POLR3H: variants seen among roughly 807,000 people sequenced by gnomAD.
POLR3H encodes the protein DNA-directed RNA polymerase III subunit RPC8.
A neutral mutation model predicts 25.5 loss-of-function variants in POLR3H; 17 were observed. That is an observed-to-expected ratio of 0.67 (90% confidence interval 0.46 to 1.00). The LOEUF is 1.00. Among genes scored for constraint, POLR3H ranks in the 50% least tolerant of loss-of-function variants. POLR3H has a pLI of 0.00. For synonymous variants in POLR3H, 129 were observed against 103.0 expected (o/e 1.25, Z -1.53); for missense variants, 274 against 265.0 (o/e 1.03, Z -0.24).
Position 41,528,771 on chromosome 22 carries a change from TG to T in POLR3H, c.*511del, listed in dbSNP as rs1012160138. 1.8e-5 allele frequency: 20 copies of T among 1,100,274 alleles called. No homozygotes were observed. The highest frequency in any genetic ancestry group is 2.4e-5 in the Non-Finnish European group (19 of 800,490). The allele number at this position is 1,100,274 out of a possible 1,614,324, so 68.2% of individuals were successfully genotyped here. The stretch of plus-strand genomic sequence containing the variant: ...GCCCACGGAGTGACTGTGGTTGTGG[TG>T]GGGGGGTTCTTAAAATAACTTTTTA... On this transcript the variant is annotated 3_prime_UTR_variant, in exon 6 of 6. Coordinates refer to ENST00000355209, the MANE Select transcript of POLR3H (RefSeq NM_001018050.4).
At chr22:41,538,487 T>C (rs1486401549) in intron 2 of POLR3H, among the ~76,000 whole-genome samples, 1 of 152,148 alleles carries the variant, frequency 6.6e-6, no homozygotes. Flanking sequence ...CTAGAACTCC[T>C]GACCTCAGGT....
In POLR3H at chr22:41,528,819, G is replaced by A. The variant is rs539836924; in HGVS notation, c.*464C>T. 5 of 668,776 alleles carry A rather than the reference G, an allele frequency of 7.5e-6. No individual in the cohort carries two copies. Among genetic ancestry groups the A allele is most frequent in the East Asian group, 2.9e-5 (1 of 34,214 alleles). The allele number at this position is 668,776 out of a possible 1,614,324, so 41.4% of individuals were successfully genotyped here. ...TTTAGCCCCCGTCTTCCTATTTTGA[G>A]TTTGGTTCAGATCTTAAGCAGCTCC... On this transcript the variant is annotated 3_prime_UTR_variant, in exon 6 of 6. Transcript: ENST00000355209.
Position 41,527,214 on chromosome 22 carries a change from C to T in POLR3H, c.*2069G>A. On this transcript the variant is annotated 3_prime_UTR_variant, in exon 6 of 6. Transcript: ENST00000355209. ...TGCCCAGGCGCCAGGTGGGTGAGGC[C>T]AGGCAGGTAGGGCCAGACAGGTGAG... 2 of 1,609,502 alleles carry T rather than the reference C, an allele frequency of 1.2e-6. No individual in the cohort carries two copies. The highest frequency in any genetic ancestry group is 1.7e-6 in the Non-Finnish European group (2 of 1,177,332).
At position 41,540,795 on chromosome 22, in the gene POLR3H, C is replaced by A. The variant is rs138200565; in HGVS notation, c.112G>T (p.Val38Phe). ...ATGCAGAGTCCCACGTTGTACACGA[C>A]CTGCATGCATACAAACACAGACACA... is the stretch of plus-strand genomic sequence containing the variant. ...EELNKKLANK[V>F]VYNVGLCICL... Residue 38 changes from valine (V) to phenylalanine (F), a missense_variant and splice_region_variant, in exon 2 of 6, where the codon GTC (valine) becomes TTC (phenylalanine). Val to Phe is a conservative substitution (Grantham distance 50). Transcript: ENST00000355209. 1 of 1,612,040 alleles carries A rather than the reference C, an allele frequency of 6.2e-7. No individual in the cohort carries two copies. The highest frequency in any genetic ancestry group is 2.2e-5 in the East Asian group (1 of 44,878).
rs1272981182 is a variant in POLR3H, at chr22:41,526,451, A to T, written c.*2832T>A. ...CGTCCCTGACACTGCCCGCTACTAC[A>T]AGGTGGGTCAGAGTTGATAGGGGCA... On this transcript the variant is annotated 3_prime_UTR_variant, in exon 6 of 6. Transcript: ENST00000355209. 6.2e-7 allele frequency: 1 copy of T among 1,610,998 alleles called. No homozygotes were observed. Among genetic ancestry groups the T allele is most frequent in the South Asian group, 1.1e-5 (1 of 90,882 alleles).
chr22:41,526,195 G>A lies in POLR3H; in HGVS notation c.*3088C>T, dbSNP rs2066591882. On this transcript the variant is annotated 3_prime_UTR_variant, in exon 6 of 6. Transcript: ENST00000355209. ...GCCCCGGGGCCTGCTGCCTGCCTCT[G>A]GAGGGCTTGTCATCCACCCCTCCAG... is the stretch of plus-strand genomic sequence containing the variant. 6.7e-7 allele frequency: 1 copy of A among 1,483,166 alleles called. No homozygotes were observed. The highest frequency in any genetic ancestry group is 1.4e-5 in the African/African-American group (1 of 71,848). The allele number at this position is 1,483,166 out of a possible 1,614,324, so 91.9% of individuals were successfully genotyped here. A position where few individuals can be genotyped will look rare whatever the true frequency, so the allele number is the denominator to read the frequency against.
In POLR3H at chr22:41,527,231, A is replaced by G. The variant is rs1053498377; in HGVS notation, c.*2052T>C. The G allele has an allele frequency of 3.7e-6, 6 of 1,613,028 alleles. No homozygotes were observed. The Admixed American group carries it at 1.0e-4, about 27-fold the overall frequency. On this transcript the variant is annotated 3_prime_UTR_variant, in exon 6 of 6. Coordinates refer to ENST00000355209, the MANE Select transcript of POLR3H (RefSeq NM_001018050.4). ...GGTGAGGCCAGGCAGGTAGGGCCAG[A>G]CAGGTGAGGACGGTGCCCTCCTCTG...
intron 5 of POLR3H, 41 bp downstream of exon 5, chr22:41,530,646 T>G (rs2066709014): frequency 6.4e-7 from 1 of 1,565,480 alleles, no homozygotes; most frequent in Non-Finnish European, 8.7e-7. Flanking sequence ...ACTCCGGCTC[T>G]CCCGCCTCAT....
rs762302484 is a variant in POLR3H at position 41,527,959 on chromosome 22, C to G, written c.*1324G>C. 6.2e-7 allele frequency: 1 copy of G among 1,614,204 alleles called. No homozygotes were observed. The highest frequency in any genetic ancestry group is 8.5e-7 in the Non-Finnish European group (1 of 1,180,018). ...TGACCTTCGCTGACCCGGCTGACTA[C>G]AACAAGATTCACCCTGTGGACAAGC... On this transcript the variant is annotated 3_prime_UTR_variant, in exon 6 of 6. Transcript: ENST00000355209.
At chr22:41,538,527 T>G (rs2145565836) in intron 2 of POLR3H, among the ~76,000 whole-genome samples, 1 of 152,304 alleles carries the variant, frequency 6.6e-6, no homozygotes, top group South Asian at 2.1e-4. Context: ...CCCAAAGTTC[T>G]GGGATTACAA....
chr22:41,528,038 C>T lies in POLR3H; in HGVS notation c.*1245G>A, dbSNP rs377746508. 19 of 1,613,866 alleles carry T rather than the reference C, an allele frequency of 1.2e-5. No homozygotes were observed. The highest frequency in any genetic ancestry group is 3.3e-5 in the South Asian group (3 of 91,076). ...CCCTGGCAAGGTTAGGGGCCCGGGTCCCCCTGAGGTGGTGGGGTGAGGGGC... is the reference window on the plus strand; with the variant it reads ...CCCTGGCAAGGTTAGGGGCCCGGGTTCCCCTGAGGTGGTGGGGTGAGGGGC... On this transcript the variant is annotated 3_prime_UTR_variant, in exon 6 of 6. Coordinates refer to ENST00000355209, the MANE Select transcript of POLR3H (RefSeq NM_001018050.4).
Position 41,533,826 on chromosome 22 carries a change from C to T in POLR3H, c.209-1081G>A, listed in dbSNP as rs573696521. The T allele has an allele frequency of 4.2e-6, 3 of 716,562 alleles. No homozygotes were observed. The South Asian group carries it at 4.7e-5, about 11-fold the overall frequency. The allele number at this position is 716,562 out of a possible 1,614,324, so 44.4% of individuals were successfully genotyped here. ...AAACCCTGTCCCCCACATGGCCCAA[C>T]ATTCAGTTTGGTTTAATAAATCCTC... is the stretch of plus-strand genomic sequence containing the variant. On this transcript the variant is annotated intron_variant, in intron 2 of 5. Transcript: ENST00000355209.
At chr22:41,536,371 G>A (rs891591926) in intron 2 of POLR3H, among the ~76,000 whole-genome samples, 1 of 151,804 alleles carries the variant, frequency 6.6e-6, no homozygotes, top group African/African-American at 2.4e-5. Flanking sequence ...CTCCAGCCTG[G>A]GCGACAGAGC....
At position 41,527,148 on chromosome 22, in the gene POLR3H, G is replaced by A. The variant is rs2066616966; in HGVS notation, c.*2135C>T. On this transcript the variant is annotated 3_prime_UTR_variant, in exon 6 of 6. Transcript: ENST00000355209. ...CTTCACTTGCCCTTAGGCAGCAGGC[G>A]AGGAAGGGCCCCTCCAGCCCCTTTA... 4.6e-6 allele frequency: 6 copies of A among 1,301,256 alleles called. No individual in the cohort carries two copies. The highest frequency in any genetic ancestry group is 2.4e-5 in the East Asian group (1 of 41,666). The allele number at this position is 1,301,256 out of a possible 1,614,324, so 80.6% of individuals were successfully genotyped here.
In POLR3H at chr22:41,526,212, C is replaced by T. The variant is rs200860701; in HGVS notation, c.*3071G>A. ...CTGCCTCTGGAGGGCTTGTCATCCACCCCTCCAGGGCCATGCCCTGACCTC... is the reference window on the plus strand; with the variant it reads ...CTGCCTCTGGAGGGCTTGTCATCCATCCCTCCAGGGCCATGCCCTGACCTC... On this transcript the variant is annotated 3_prime_UTR_variant, in exon 6 of 6. Transcript: ENST00000355209. The T allele has an allele frequency of 1.6e-5, 25 of 1,533,654 alleles. No homozygotes were observed. The highest frequency in any genetic ancestry group is 1.6e-4 in the East Asian group (7 of 43,888).
At chr22:41,543,890 C>T (rs2066973029) in intron 1 of POLR3H, 101 bp downstream of exon 1, 2 of 807,446 alleles carry the variant, frequency 2.5e-6, no homozygotes, top group Non-Finnish European at 4.3e-6. Context: ...AAGCTGCTTG[C>T]CCACGGCCAG....
At position 41,528,249 on chromosome 22, in the gene POLR3H, C is replaced by T. The variant is rs929349511; in HGVS notation, c.*1034G>A. On this transcript the variant is annotated 3_prime_UTR_variant, in exon 6 of 6. Coordinates refer to ENST00000355209, the MANE Select transcript of POLR3H (RefSeq NM_001018050.4). ...CCCAACCTCCCTTTACTCACCAGGA[C>T]CTGGCACTCAGGGGACAGCCCACCC... 11 of 834,926 alleles carry T rather than the reference C, an allele frequency of 1.3e-5. No individual in the cohort carries two copies. In the African/African-American group the frequency reaches 1.9e-4, roughly 14 times the overall value. 51.7% of individuals were successfully genotyped at this position (834,926 alleles called of 1,614,324 possible).
At chr22:41,537,416 C>T (rs2066866428) in intron 2 of POLR3H, among the ~76,000 whole-genome samples, 1 of 152,182 alleles carries the variant, frequency 6.6e-6, no homozygotes, top group Non-Finnish European at 1.5e-5. Context: ...AGCCCTTCAG[C>T]ACTGGCTCAG....
intron 2 of POLR3H, among the ~76,000 whole-genome samples, chr22:41,536,036 C>T (rs910086431): frequency 7.8e-4 from 117 of 150,750 alleles, no homozygotes; most frequent in African/African-American, 2.8e-3. Flanking sequence ...GTGATCCGCC[C>T]GCCTCAGACT....
Sources: allele counts gnomAD v4.1 joint callset (sites outside exome capture counted in the v4.1 genomes callset), GRCh38; gene constraint gnomAD v4.1.1; transcripts MANE v1.5; gene names NCBI Gene and HGNC (gene_info 2026-07-23, HGNC 2026-07-21).